The following SIN3B variants were observed in gnomAD, a reference collection of about 807,000 sequenced individuals.
The protein encoded by SIN3B is paired amphipathic helix protein Sin3b.
SIN3B carries 19 observed loss-of-function variants against 120.2 expected under a neutral mutation model. The ratio of observed to expected loss-of-function variants is 0.16; its 90% CI spans 0.11 to 0.23. SIN3B has a LOEUF of 0.23. Among genes scored for constraint, SIN3B ranks in the 10% least tolerant of loss-of-function variants. The pLI is 1.00. For missense variants in SIN3B, 1,073 were observed against 1,573.0 expected (o/e 0.68, Z 5.38); for synonymous variants, 654 against 653.2 (o/e 1.00, Z -0.02).
intron 3 of SIN3B, among the ~76,000 whole-genome samples, chr19:16,833,422 A>G (rs1971304520): frequency 6.6e-6 from 1 of 151,674 alleles, no homozygotes; most frequent in Non-Finnish European, 1.5e-5. Flanking sequence ...TTACAAGGTC[A>G]GGAGTTCAAG....
chr19:16,862,479 C>T lies in SIN3B; in HGVS notation c.1186C>T (p.Arg396Cys), dbSNP rs1172751156. 6 of 1,614,160 alleles carry T rather than the reference C, an allele frequency of 3.7e-6. No individual in the cohort carries two copies. Among genetic ancestry groups the T allele is most frequent in the Non-Finnish European group, 5.1e-6 (6 of 1,180,026 alleles). Reference sequence around the variant, plus strand: ...GGAAATTGATTATGCATCCTGCAAGCGCATAGGATCCAGCTACCGGGCACT... The same window carrying T: ...GGAAATTGATTATGCATCCTGCAAGTGCATAGGATCCAGCTACCGGGCACT... ...SREIDYASCK[R>C]IGSSYRALPK... Residue 396 changes from arginine to cysteine, a missense_variant, in exon 9 of 19, where the codon CGC becomes TGC. Arg to Cys is a radical substitution (Grantham distance 180). Around this residue, in one of 7 missense-constraint regions of SIN3B, gnomAD observed 118 missense variants for 281.6 expected, o/e 0.42. Transcript: ENST00000248054. The surrounding 1 kb of genome is among the most constrained non-coding windows in gnomAD (Gnocchi z 4.7).
At chr19:16,875,167 CTGGTCTGGTCTGTT>C (rs1397945813) in intron 14 of SIN3B, among the ~76,000 whole-genome samples, 4 of 131,114 alleles carry the variant, frequency 3.1e-5, no homozygotes, top group Admixed American at 7.9e-5. Context: ...TGGGTCTGGT[CTGGTCTGGTCTGTT>C]TGGTCTGGTC....
At chr19:16,841,479 G>T (rs547995190) in intron 3 of SIN3B, among the ~76,000 whole-genome samples, 18 of 152,248 alleles carry the variant, frequency 1.2e-4, no homozygotes, top group Admixed American at 5.2e-4. Flanking sequence ...CATCCACTTT[G>T]TACATTTCTC....
At chr19:16,849,887 C>T (rs577835839) in intron 5 of SIN3B, among the ~76,000 whole-genome samples, 83 of 150,110 alleles carry the variant, frequency 5.5e-4, no homozygotes, top group African/African-American at 1.9e-3. Flanking sequence ...ACCCAGGAGA[C>T]GGAGGTTGCA....
chr19:16,858,340 CAGG>C (rs1412724521), intron 8 of SIN3B, among the ~76,000 whole-genome samples: 1 of 152,138 alleles, frequency 6.6e-6, no homozygotes, highest in Non-Finnish European at 1.5e-5. Context: ...TGGGGTTACA[CAGG>C]AGGATCACCA....
Position 16,854,077 on chromosome 19 carries a change from A to G in SIN3B, c.940-66A>G, listed in dbSNP as rs562407410. 204 of 1,241,352 alleles carry G rather than the reference A, an allele frequency of 1.6e-4. 3 individuals carry two copies. The South Asian group carries it at 2.5e-3, about 15-fold the overall frequency. The allele number at this position is 1,241,352 out of a possible 1,614,324, so 76.9% of individuals were successfully genotyped here. Reference sequence around the variant, plus strand: ...TCGCACACCCATGTGGCTGACCTACAAGTGAGCCAGGCCCAGAGGCTGAGG... The same window carrying G: ...TCGCACACCCATGTGGCTGACCTACGAGTGAGCCAGGCCCAGAGGCTGAGG... On this transcript the variant is annotated intron_variant, in intron 7 of 18. Transcript: ENST00000248054.
rs1239571397 is a variant in SIN3B, at chr19:16,829,475, C to T, written c.55C>T (p.Arg19Trp). Residue 19 changes from arginine to tryptophan, a missense_variant, in exon 1 of 19, where the codon CGG (arginine) becomes TGG (tryptophan). This residue lies in a region of SIN3B where 395 missense variants were observed against 528.0 expected (regional missense o/e 0.75). Transcript: ENST00000248054. ...GGSGAGGPAG[R>W]GLSGARWGRS... ...CAGCGGTGCCGGCGGCCCCGCGGGC[C>T]GGGGGCTGAGCGGCGCCCGCTGGGG... 1.6e-6 allele frequency: 2 copies of T among 1,218,614 alleles called. No homozygotes were observed. The highest frequency in any genetic ancestry group is 1.0e-6 in the Non-Finnish European group (1 of 979,390). The allele number at this position is 1,218,614 out of a possible 1,614,324, so 75.5% of individuals were successfully genotyped here. A position where few individuals can be genotyped will look rare whatever the true frequency, so the allele number is the denominator to read the frequency against.
chr19:16,837,220 G>A (rs925827706), intron 3 of SIN3B, among the ~76,000 whole-genome samples: 1 of 152,030 alleles, frequency 6.6e-6, no homozygotes, highest in Admixed American at 6.6e-5. Context: ...GAGAGAAGGG[G>A]GAGAGGGAGC....
In SIN3B at chr19:16,854,190, C is replaced by T. The variant is rs1213650078; in HGVS notation, c.987C>T (p.Arg329=). 6.2e-7 allele frequency: 1 copy of T among 1,612,860 alleles called. No homozygotes were observed. Among genetic ancestry groups the T allele is most frequent in the South Asian group, 1.1e-5 (1 of 90,990 alleles). The stretch of plus-strand genomic sequence containing the variant: ...AGGAGGTGTATGAAAACTTCCTCCG[C>T]TGCATCGCACTCTTCAACCAGGAGC... The part of the protein sequence containing the change: ...KSQEVYENFL[R]CIALFNQELV... Residue 329 remains arginine, a synonymous_variant, in exon 8 of 19, where the codon CGC becomes CGT. Transcript: ENST00000248054.
In SIN3B at chr19:16,870,048, G is replaced by T; in HGVS notation, c.2395G>T (p.Ala799Ser). Residue 799 changes from alanine to serine, a missense_variant, in exon 13 of 19, where the codon GCC becomes TCC. Ala to Ser is a moderately conservative substitution (Grantham distance 99, BLOSUM62 1). Coordinates refer to ENST00000248054, the MANE Select transcript of SIN3B (RefSeq NM_001297595.2). ...EGRREKGSDPAMELRLKQPSE... is the reference protein window; with the variant it reads ...EGRREKGSDPSMELRLKQPSE... ...CCGCAGGGAGAAGGGCAGCGACCCC[G>T]CCATGGAGCTGCGGCTGAAGCAGCC... The T allele has an allele frequency of 6.2e-7, 1 of 1,606,182 alleles. No homozygotes were observed.
rs796191907 is a variant in SIN3B at position 16,855,380 on chromosome 19, C to CACA, written c.1058+1119_1058+1120insACA. On this transcript the variant is annotated intron_variant, in intron 8 of 18. Transcript: ENST00000248054. ...CTCTGGGAGAAACCTTCCCCCCCCCCCCCCCAGCAAAATTCCCTGGAGATT... is the reference window on the plus strand; with the variant it reads ...CTCTGGGAGAAACCTTCCCCCCCCCCACACCCCCAGCAAAATTCCCTGGAGATT... 2.4e-4 allele frequency: 28 copies of CACA among 117,184 alleles called. 1 individual carries two copies. The highest frequency in any genetic ancestry group is 8.6e-4 in the African/African-American group (27 of 31,526). The allele number at this position is 117,184 out of a possible 1,614,324, so 7.3% of individuals were successfully genotyped here. A position where few individuals can be genotyped will look rare whatever the true frequency, so the allele number is the denominator to read the frequency against.
intron 5 of SIN3B, among the ~76,000 whole-genome samples, chr19:16,849,480 A>ACTTT (rs1971518031): frequency 6.6e-6 from 1 of 152,224 alleles, no homozygotes; most frequent in African/African-American, 2.4e-5. Context: ...GGTACCAATA[A>ACTTT]CTTTACAAAA....
intron 9 of SIN3B, chr19:16,863,290 C>T (rs564898516): frequency 8.4e-5 from 41 of 486,204 alleles, no homozygotes; most frequent in South Asian, 2.2e-4. Context: ...AATGACAATA[C>T]AGCAATAAAG....
At position 16,865,564 on chromosome 19, in the gene SIN3B, A is replaced by G. The variant is rs1241722646; in HGVS notation, c.1538A>G (p.Tyr513Cys). 1 of 1,613,446 alleles carries G rather than the reference A, an allele frequency of 6.2e-7. No homozygotes were observed. Among genetic ancestry groups the G allele is most frequent in the African/African-American group, 1.3e-5 (1 of 74,830 alleles). ...GAGGTGATCCAGCGCCGTGCCATTT[A>G]TCGCATCTATGGCGACAAGGCCCCG... ...TSEVIQRRAI[Y>C]RIYGDKAPEI... Residue 513 changes from tyrosine (Y) to cysteine (C), a missense_variant, in exon 11 of 19, where the codon TAT becomes TGT. This residue lies in a region of SIN3B where 118 missense variants were observed against 281.6 expected (regional missense o/e 0.42). Transcript: ENST00000248054.
chr19:16,831,219 C>T (rs1361628112), intron 2 of SIN3B, among the ~76,000 whole-genome samples: 3 of 152,056 alleles, frequency 2.0e-5, no homozygotes, highest in African/African-American at 7.2e-5. Context: ...CGCACCACCA[C>T]TCCAAGTTCG....
At chr19:16,842,405 CTT>C (rs764926291) in intron 4 of SIN3B, among the ~76,000 whole-genome samples, 32 of 126,808 alleles carry the variant, frequency 2.5e-4, no homozygotes, top group East Asian at 2.3e-4. Context: ...GCCCAGCCAC[CTT>C]TTTTTTTTTT....
chr19:16,873,374 G>A lies in SIN3B; in HGVS notation c.2592+1976G>A, dbSNP rs144822533. Among the ~76,000 whole-genome samples the A allele has an allele frequency of 3.9e-5, 6 of 152,212 alleles. No homozygotes were observed. In the East Asian group the frequency reaches 7.8e-4, roughly 20 times the overall value. ...CTTTCCCTCCGTGTGCCCGAAATGGGTCCCTGCCCATCACCATCCACAGCA... is the reference window on the plus strand; with the variant it reads ...CTTTCCCTCCGTGTGCCCGAAATGGATCCCTGCCCATCACCATCCACAGCA... On this transcript the variant is annotated intron_variant, in intron 14 of 18. Transcript: ENST00000248054.
chr19:16,853,202 G>A, intron 7 of SIN3B, 44 bp downstream of exon 7: 2 of 1,574,998 alleles, frequency 1.3e-6, no homozygotes, highest in Non-Finnish European at 1.7e-6. Flanking sequence ...GCCATGTCCA[G>A]CTGGCTGGGC....
chr19:16,866,306 A>G, intron 11 of SIN3B, 67 bp from the exon 12 acceptor site: 4 of 1,487,240 alleles, frequency 2.7e-6, no homozygotes, highest in East Asian at 4.6e-5. Context: ...AAGACAGGCC[A>G]GCCCTGGGAT....
Sources: gnomAD v4.1 joint callset for allele counts (sites outside exome capture counted in the v4.1 genomes callset) on GRCh38, gnomAD v4.1.1 for gene constraint, gnomAD v4.1.1 regional missense constraint, Gnocchi (gnomAD v3.1) non-coding constraint, MANE v1.5 for transcripts, NCBI Gene and HGNC (gene_info 2026-07-23, HGNC 2026-07-21) for gene names.